Variants in RSRC1 observed in about 807,000 individuals in gnomAD.
RSRC1 encodes the protein serine/Arginine-related protein 53.
A neutral mutation model predicts 49.1 loss-of-function variants in RSRC1; 39 were observed. The observed-to-expected ratio is 0.79, with a 90% CI of 0.61 to 1.04. The LOEUF (loss-of-function observed/expected upper bound fraction) is 1.04. Ranked by LOEUF, RSRC1 falls within the 50% of genes least tolerant of loss-of-function variation. The pLI is 0.00. For synonymous variants in RSRC1, 143 were observed against 130.8 expected (o/e 1.09, Z -0.63); for missense variants, 388 against 402.4 (o/e 0.96, Z 0.31).
intron 6 of RSRC1, among the ~76,000 whole-genome samples, chr3:158,371,056 T>C (rs1035860430): frequency 1.3e-5 from 2 of 151,942 alleles, no homozygotes; most frequent in Non-Finnish European, 2.9e-5. Context: ...CATCTTTTCA[T>C]GCAGTCATTT....
chr3:158,446,823 G>T lies in RSRC1; in HGVS notation c.584-14112G>T, dbSNP rs550318396. Reference sequence around the variant, plus strand: ...ATTAACAGGCTAGTAAAGGTCATATGTTGGTTCCCTTTACAGTTTACCCTG... The same window carrying T: ...ATTAACAGGCTAGTAAAGGTCATATTTTGGTTCCCTTTACAGTTTACCCTG... On this transcript the variant is annotated intron_variant, in intron 6 of 9. Coordinates refer to ENST00000611884, the MANE Select transcript of RSRC1 (RefSeq NM_001271838.2). 2.0e-5 allele frequency among the ~76,000 whole-genome samples: 3 copies of T among 152,126 alleles called. No homozygotes were observed. In the East Asian group the frequency reaches 5.8e-4, roughly 29 times the overall value.
rs1004259944 is a variant in RSRC1, at chr3:158,307,659, G to A, written c.531+9584G>A. Among the ~76,000 whole-genome samples, 4 of 151,904 alleles carry A rather than the reference G, an allele frequency of 2.6e-5. No individual in the cohort carries two copies. The Middle Eastern group carries it at 0.01, about 388-fold the overall frequency. The stretch of plus-strand genomic sequence containing the variant: ...TAGTATAAAAACATTTAAGGGGATA[G>A]TTCTAGACAAACTTTCAAGCAATGT... On this transcript the variant is annotated intron_variant, in intron 5 of 9. Coordinates refer to ENST00000611884, the MANE Select transcript of RSRC1 (RefSeq NM_001271838.2).
intron 7 of RSRC1, among the ~76,000 whole-genome samples, chr3:158,534,326 T>C (rs1302994687): frequency 6.6e-6 from 1 of 151,728 alleles, no homozygotes; most frequent in Non-Finnish European, 1.5e-5. Context: ...TTTATATTTA[T>C]CTCTGTAACA....
chr3:158,270,222 GCT>G (rs1725429313), intron 4 of RSRC1, among the ~76,000 whole-genome samples: 1 of 152,180 alleles, frequency 6.6e-6, no homozygotes, highest in South Asian at 2.1e-4. Context: ...TGCCTTTGCT[GCT>G]GTGTTTGCTT....
At chr3:158,184,496 C>G (rs1487250727) in intron 3 of RSRC1, among the ~76,000 whole-genome samples, 1 of 152,134 alleles carries the variant, frequency 6.6e-6, no homozygotes, top group Non-Finnish European at 1.5e-5. Context: ...CCTGAGGCAT[C>G]TTGCTTTTTC....
chr3:158,348,803 G>A (rs992474484), intron 5 of RSRC1, among the ~76,000 whole-genome samples: 3 of 152,002 alleles, frequency 2.0e-5, no homozygotes, highest in Admixed American at 2.0e-4. Flanking sequence ...TACCATTTGT[G>A]TAGCTTGGCT....
At chr3:158,461,696 G>A (rs1737622580) in intron 7 of RSRC1, among the ~76,000 whole-genome samples, 1 of 151,784 alleles carries the variant, frequency 6.6e-6, no homozygotes, top group African/African-American at 2.4e-5. Flanking sequence ...TTAAGTTGAT[G>A]ATCTGCTTAG....
intron 5 of RSRC1, among the ~76,000 whole-genome samples, chr3:158,350,321 G>T (rs1316208309): frequency 6.6e-6 from 1 of 151,814 alleles, no homozygotes; most frequent in Non-Finnish European, 1.5e-5. Context: ...GGGACCACAG[G>T]TGGATGACAC....
At chr3:158,384,452 A>G (rs1407664380) in intron 6 of RSRC1, among the ~76,000 whole-genome samples, 3 of 152,168 alleles carry the variant, frequency 2.0e-5, no homozygotes, top group Non-Finnish European at 1.5e-5. Context: ...ATGAGCAAGT[A>G]TACAGCTAAT....
chr3:158,488,159 T>C (rs1009271131), intron 7 of RSRC1, among the ~76,000 whole-genome samples: 1 of 152,058 alleles, frequency 6.6e-6, no homozygotes, highest in Non-Finnish European at 1.5e-5. Context: ...GGTTTACAAC[T>C]ATCCTAGAAA....
intron 7 of RSRC1, among the ~76,000 whole-genome samples, chr3:158,491,395 A>G (rs1014345995): frequency 6.6e-6 from 1 of 152,144 alleles, no homozygotes. Context: ...AGATCACTCA[A>G]TCTATTACAA....
At chr3:158,175,483 A>T (rs1314542318) in intron 3 of RSRC1, among the ~76,000 whole-genome samples, 1 of 150,920 alleles carries the variant, frequency 6.6e-6, no homozygotes, top group Non-Finnish European at 1.5e-5. Context: ...GTATGGTATG[A>T]TTTTTTTTTG....
chr3:158,462,690 CTTG>C (rs1450847628), intron 7 of RSRC1, among the ~76,000 whole-genome samples: 2 of 151,994 alleles, frequency 1.3e-5, no homozygotes, highest in Admixed American at 1.3e-4. Context: ...CTACAGCTCT[CTTG>C]TTTTCATTAA....
intron 7 of RSRC1, among the ~76,000 whole-genome samples, chr3:158,478,108 G>A (rs1341096204): frequency 2.6e-5 from 4 of 151,386 alleles, no homozygotes; most frequent in African/African-American, 9.7e-5. Context: ...ATAATATCTT[G>A]CAAACCAGCA....
intron 5 of RSRC1, among the ~76,000 whole-genome samples, chr3:158,309,459 T>C (rs948675862): frequency 2.0e-5 from 3 of 151,878 alleles, no homozygotes; most frequent in African/African-American, 4.8e-5. Flanking sequence ...ATTCTAGCAT[T>C]TAATAAACGT....
At chr3:158,216,726 T>C (rs1244378973) in intron 4 of RSRC1, among the ~76,000 whole-genome samples, 1 of 151,752 alleles carries the variant, frequency 6.6e-6, no homozygotes, top group Non-Finnish European at 1.5e-5. Flanking sequence ...ATTTCCATCC[T>C]ATTTTATTAT....
At chr3:158,431,888 A>T (rs1323348364) in intron 6 of RSRC1, among the ~76,000 whole-genome samples, 1 of 152,032 alleles carries the variant, frequency 6.6e-6, no homozygotes, top group Non-Finnish European at 1.5e-5. Flanking sequence ...CATGTTTGTT[A>T]TATACTTAAT....
intron 5 of RSRC1, among the ~76,000 whole-genome samples, chr3:158,338,568 G>T (rs1730046512): frequency 6.6e-6 from 1 of 152,196 alleles, no homozygotes; most frequent in Non-Finnish European, 1.5e-5. Context: ...GTTTTTTAAA[G>T]TTGTGCATCT....
At chr3:158,362,396 A>G (rs919496722) in intron 6 of RSRC1, among the ~76,000 whole-genome samples, 9 of 152,216 alleles carry the variant, frequency 5.9e-5, no homozygotes, top group Admixed American at 4.6e-4. Flanking sequence ...AGTTTTAACA[A>G]TACCTATAGT....
Sources: allele counts gnomAD v4.1 joint callset (sites outside exome capture counted in the v4.1 genomes callset), GRCh38; gene constraint gnomAD v4.1.1; transcripts MANE v1.5; gene names NCBI Gene and HGNC (gene_info 2026-07-23, HGNC 2026-07-21).